Variants in CES1 observed in about 807,000 individuals in gnomAD.
CES1 encodes liver carboxylesterase 1.
Under a neutral mutation model 53.0 loss-of-function variants are expected in CES1, and 50 were observed. The ratio of observed to expected loss-of-function variants is 0.94; its 90% CI spans 0.75 to 1.19. The LOEUF (loss-of-function observed/expected upper bound fraction) is 1.19, where lower values mean the gene tolerates loss of function less well. Among genes scored for constraint, CES1 ranks in the 50% most tolerant of loss-of-function variants. CES1 has a pLI of 0.00. For synonymous variants in CES1, 202 were observed against 210.1 expected (o/e 0.96, Z 0.33); for missense variants, 534 against 538.0 (o/e 0.99, Z 0.07).
At chr16:55,819,789 C>T (rs2032098611) in intron 6 of CES1, 150 bp from the exon 7 acceptor site, 1 of 745,084 alleles carries the variant, frequency 1.3e-6, no homozygotes, top group East Asian at 2.6e-5. Context: ...GGTTCCAGGT[C>T]CCACGGAGCG....
intron 11 of CES1, among the ~76,000 whole-genome samples, chr16:55,809,737 C>A (rs1457435988): frequency 6.6e-6 from 1 of 152,206 alleles, no homozygotes; most frequent in Non-Finnish European, 1.5e-5. Flanking sequence ...CCTTCTTGGT[C>A]CTGGACAATC....
At chr16:55,810,825 G>A (rs746700326) in intron 10 of CES1, 102 bp downstream of exon 10, 2 of 1,399,944 alleles carry the variant, frequency 1.4e-6, no homozygotes, top group Non-Finnish European at 1.0e-6. Flanking sequence ...GGGAAACCCT[G>A]AGGCCCCAGT....
At position 55,816,880 on chromosome 16, in the gene CES1, T is replaced by C. The variant is rs1359210300; in HGVS notation, c.945+44A>G. The stretch of plus-strand genomic sequence containing the variant: ...CTCACAGTTAATTGGAGCTTAAAGG[T>C]GCTAAGACTCAAAACCCGTAATCCA... On this transcript the variant is annotated intron_variant, in intron 8 of 13. Coordinates refer to ENST00000360526, the MANE Select transcript of CES1 (RefSeq NM_001025195.2). 3 of 1,588,024 alleles carry C rather than the reference T, an allele frequency of 1.9e-6. No homozygotes were observed. In the African/African-American group the frequency reaches 4.0e-5, roughly 21 times the overall value.
intron 11 of CES1, among the ~76,000 whole-genome samples, chr16:55,810,007 G>A (rs750343880): frequency 5.3e-4 from 80 of 152,204 alleles, no homozygotes; most frequent in Non-Finnish European, 9.3e-4. Context: ...TGAGGCCTTT[G>A]TCTGGTCACA....
intron 11 of CES1, among the ~76,000 whole-genome samples, chr16:55,810,228 G>A (rs1351504082): frequency 1.3e-5 from 2 of 152,058 alleles, no homozygotes; most frequent in African/African-American, 2.4e-5. Flanking sequence ...CCTTGACAAC[G>A]CATCTTGGAT....
In CES1 at chr16:55,830,819, A is replaced by AAGGCAGGCAGGCAGGC. The variant is rs57294788; in HGVS notation, c.53-1861_53-1846dup. ...GAAGGAAGGAAGGAAGGAAGGAAGG[A>AAGGCAGGCAGGCAGGC]AGGCAGGCAGGCAGGCAGGCAGGCA... On this transcript the variant is annotated intron_variant, in intron 1 of 13. Coordinates refer to ENST00000360526, the MANE Select transcript of CES1 (RefSeq NM_001025195.2). Among the ~76,000 whole-genome samples, 166 of 127,320 alleles carry AAGGCAGGCAGGCAGGC rather than the reference A, an allele frequency of 1.3e-3. 3 individuals are homozygous for AAGGCAGGCAGGCAGGC. In the East Asian group the frequency reaches 0.027, roughly 21 times the overall value. The allele number at this position is 127,320 out of a possible 152,430, so 83.5% of individuals were successfully genotyped here. A position where few individuals can be genotyped will look rare whatever the true frequency, so the allele number is the denominator to read the frequency against.
intron 9 of CES1, among the ~76,000 whole-genome samples, chr16:55,811,298 C>T (rs1329701388): frequency 6.6e-6 from 1 of 151,120 alleles, no homozygotes; most frequent in African/African-American, 2.4e-5. Flanking sequence ...GTGTGTGTGT[C>T]TGTGGCTGGG....
At position 55,830,301 on chromosome 16, in the gene CES1, A is replaced by T. The variant is rs8192931; in HGVS notation, c.53-1327T>A. Among the ~76,000 whole-genome samples, 76 of 151,880 alleles carry T rather than the reference A, an allele frequency of 5.0e-4. 2 individuals are homozygous for T. The highest frequency in any genetic ancestry group is 1.3e-4 in the Non-Finnish European group (9 of 67,974). ...TTGTTGCTAATTACAAATAATACTG[A>T]GATGAACTTCCTTGGAAGCATGTTT... On this transcript the variant is annotated intron_variant, in intron 1 of 13. Coordinates refer to ENST00000360526, the MANE Select transcript of CES1 (RefSeq NM_001025195.2).
intron 9 of CES1, among the ~76,000 whole-genome samples, chr16:55,812,183 A>G (rs1396189358): frequency 7.2e-5 from 11 of 152,172 alleles, no homozygotes; most frequent in Non-Finnish European, 1.6e-4. Context: ...GTTTATCTTC[A>G]ACTGGAAGGA....
In CES1 at chr16:55,833,011, C is replaced by A. The variant is rs1206498479; in HGVS notation, c.45G>T (p.Ala15=). 3 of 1,558,962 alleles carry A rather than the reference C, an allele frequency of 1.9e-6. No individual in the cohort carries two copies. The highest frequency in any genetic ancestry group is 1.4e-5 in the African/African-American group (1 of 72,488). Residue 15 remains alanine (A), a synonymous_variant, in exon 1 of 14, where the codon GCG becomes GCT. Transcript: ENST00000360526. ...AFILATLSAS[A]AWAGHPSSPP... is the part of the protein sequence containing the mutation. ...GATTTCAGAAGGACTCACCCCAAGCCGCGGAAGCAGAGAGAGTGGCCAGGA... is the reference window on the plus strand; with the variant it reads ...GATTTCAGAAGGACTCACCCCAAGCAGCGGAAGCAGAGAGAGTGGCCAGGA...
In CES1 at chr16:55,821,740, C is replaced by T. The variant is rs1824141; in HGVS notation, c.540-219G>A. ...TACTGAGCATCTACTGTATGCCTGA[C>T]GCTGTCTTATGAGCTAGAGCACATC... On this transcript the variant is annotated intron_variant, in intron 4 of 13. Transcript: ENST00000360526. 1.8e-3 allele frequency among the ~76,000 whole-genome samples: 269 copies of T among 152,328 alleles called. 2 individuals carry two copies. In the South Asian group the frequency reaches 0.048, roughly 27 times the overall value.
chr16:55,822,756 G>A (rs1321746846), intron 4 of CES1, among the ~76,000 whole-genome samples: 1 of 152,056 alleles, frequency 6.6e-6, no homozygotes, highest in African/African-American at 2.4e-5. Flanking sequence ...AAAGGGGCTG[G>A]GAAGGAAGCA....
chr16:55,830,401 G>T (rs761879028), intron 1 of CES1, among the ~76,000 whole-genome samples: 6 of 152,050 alleles, frequency 3.9e-5, no homozygotes, highest in Non-Finnish European at 8.8e-5. Context: ...AGCACTGTAT[G>T]GGATTTCCGG....
At chr16:55,816,775 A>C in intron 8 of CES1, 149 bp downstream of exon 8, 1 of 976,484 alleles carries the variant, frequency 1.0e-6, no homozygotes. Flanking sequence ...TGTGTTACCC[A>C]GGTGAGTCAC....
At chr16:55,825,391 C>T (rs2032377858) in intron 3 of CES1, among the ~76,000 whole-genome samples, 2 of 152,216 alleles carry the variant, frequency 1.3e-5, no homozygotes, top group Admixed American at 6.5e-5. Flanking sequence ...CCAGCAGACC[C>T]TCCCCACCCT....
At chr16:55,830,819 A>AAGGAAGGCAGGCAGGCAGGCAGGCAGGC (rs1454708070) in intron 1 of CES1, among the ~76,000 whole-genome samples, 8 of 127,278 alleles carry the variant, frequency 6.3e-5, no homozygotes, top group Admixed American at 1.5e-4. Context: ...GGAAGGAAGG[A>AAGGAAGGCAGGCAGGCAGGCAGGCAGGC]AGGCAGGCAG....
chr16:55,818,077 G>A (rs2032024902), intron 7 of CES1, among the ~76,000 whole-genome samples: 1 of 152,222 alleles, frequency 6.6e-6, no homozygotes, highest in Admixed American at 6.5e-5. Context: ...GGAAACACAA[G>A]CAGAGTCCAG....
rs1252634849 is a variant in CES1 at position 55,810,996 on chromosome 16, A to T, written c.1101T>A (p.Tyr367Ter). The T allele has an allele frequency of 1.2e-6, 2 of 1,603,270 alleles. No individual in the cohort carries two copies. Among genetic ancestry groups the T allele is most frequent in the Non-Finnish European group, 8.5e-7 (1 of 1,175,918 alleles). The part of the protein sequence containing the change: ...GWLIPMQLMS[Y>*]PLSEGQLDQK... The stretch of plus-strand genomic sequence containing the variant: ...GGTCCAGTTGCCCTTCGGAGAGTGG[A>T]TAGCTCATCAACTGCTAAAAAAAAA... The change falls in exon 10 of 14, where the codon TAT becomes TAA. Residue 367 changes from tyrosine (Y) to a stop codon, truncating the protein, a stop_gained. Transcript: ENST00000360526. LOFTEE classifies it high-confidence loss of function.
At chr16:55,829,969 T>C (rs1386088371) in intron 1 of CES1, among the ~76,000 whole-genome samples, 3 of 152,204 alleles carry the variant, frequency 2.0e-5, no homozygotes, top group Non-Finnish European at 4.4e-5. Flanking sequence ...CACTTGATCT[T>C]GCTGCCCACC....
Sources: gnomAD v4.1 joint callset for allele counts (sites outside exome capture counted in the v4.1 genomes callset) on GRCh38, gnomAD v4.1.1 for gene constraint, MANE v1.5 for transcripts, NCBI Gene and HGNC (gene_info 2026-07-23, HGNC 2026-07-21) for gene names.